The following MFAP3L variants were observed in gnomAD, a reference collection of about 807,000 sequenced individuals.
MFAP3L encodes microfibrillar-associated protein 3-like.
A neutral mutation model predicts 20.0 loss-of-function variants in MFAP3L; 5 were observed. The ratio of observed to expected loss-of-function variants is 0.25; its 90% confidence interval spans 0.13 to 0.53. The LOEUF is 0.53. Among genes scored for constraint, MFAP3L ranks in the 20% least tolerant of loss-of-function variants. The pLI, the probability that MFAP3L is intolerant of heterozygous loss-of-function variation, is 0.96. For missense variants in MFAP3L, 409 were observed against 527.5 expected (o/e 0.78, Z 2.20); for synonymous variants, 219 against 213.0 (o/e 1.03, Z -0.25).
rs1257747132 is a variant in MFAP3L at position 169,992,262 on chromosome 4, A to C, written c.346T>G (p.Ser116Ala). The C allele has an allele frequency of 1.2e-6, 2 of 1,613,856 alleles. No individual in the cohort carries two copies. The highest frequency in any genetic ancestry group is 4.5e-5 in the East Asian group (2 of 44,870). The change falls in exon 3 of 3, where the codon TCC (serine) becomes GCC (alanine). Residue 116 changes from serine to alanine, a missense_variant. Around this residue, in one of 3 missense-constraint regions of MFAP3L, gnomAD observed 127 missense variants for 218.1 expected, o/e 0.58. Coordinates refer to ENST00000361618, the MANE Select transcript of MFAP3L (RefSeq NM_021647.8). This position sits in a 1 kb window ranked among gnomAD's most constrained non-coding sequence, Gnocchi z 4.3. ...DSGLLNITKV[S>A]FSDRGKYTCV... ...GTGTATTTACCTCGGTCTGAGAAGG[A>C]TACCTTGGTGATGTTCAGGAGGCCG...
intron 1 of MFAP3L, among the ~76,000 whole-genome samples, chr4:170,011,290 GA>G (rs879780734): frequency 6.6e-6 from 1 of 151,862 alleles, no homozygotes; most frequent in South Asian, 2.1e-4. Context: ...GAAATCTGTG[GA>G]AAAAAAATGT....
At chr4:170,021,285 C>A (rs1740019258) in intron 1 of MFAP3L, among the ~76,000 whole-genome samples, 1 of 152,184 alleles carries the variant, frequency 6.6e-6, no homozygotes, top group Non-Finnish European at 1.5e-5. Context: ...AGATAGAGTA[C>A]AACTCTACCA....
rs755726375 is a variant in MFAP3L, at chr4:169,991,367, C to T, written c.*11G>A. 16 of 1,606,212 alleles carry T rather than the reference C, an allele frequency of 1.0e-5. No individual in the cohort carries two copies. The highest frequency in any genetic ancestry group is 3.3e-5 in the South Asian group (3 of 90,252). ...GATTTTCTTGATATGCATAGCTTTT[C>T]GGGGTTGGTATTAGACATGGCTTTC... On this transcript the variant is annotated 3_prime_UTR_variant, in exon 3 of 3. Transcript: ENST00000361618. The surrounding 1 kb of genome is among the most constrained non-coding windows in gnomAD (Gnocchi z 4.9).
chr4:169,997,802 C>CTTTTTTTTTTTTTT (rs397768343), intron 2 of MFAP3L: 1 of 693,136 alleles, frequency 1.4e-6, no homozygotes, highest in Non-Finnish European at 1.7e-6. Flanking sequence ...TTCATTAATT[C>CTTTTTTTTTTTTTT]TTTTTTTTTT....
At chr4:170,009,044 G>A (rs1317496643) in intron 1 of MFAP3L, among the ~76,000 whole-genome samples, 1 of 152,174 alleles carries the variant, frequency 6.6e-6, no homozygotes, top group Non-Finnish European at 1.5e-5. Context: ...TTCTGCAAAT[G>A]TACCTTTTCA....
chr4:170,002,988 A>G (rs1414792700), intron 2 of MFAP3L, among the ~76,000 whole-genome samples: 1 of 152,178 alleles, frequency 6.6e-6, no homozygotes, highest in African/African-American at 2.4e-5. Flanking sequence ...CTGTGGGTTT[A>G]CCAATAGGCC....
chr4:170,026,190 C>T (rs1293903315), intron 1 of MFAP3L, 44 bp downstream of exon 1: 20 of 975,532 alleles, frequency 2.1e-5, no homozygotes, highest in Non-Finnish European at 2.4e-5. Context: ...GGCTGGCTCC[C>T]ACCCGTGCCC....
At position 169,991,432 on chromosome 4, in the gene MFAP3L, C is replaced by T. The variant is rs566001239; in HGVS notation, c.1176G>A (p.Glu392=). Residue 392 remains glutamate, a synonymous_variant, in exon 3 of 3, where the codon GAG becomes GAA. Transcript: ENST00000361618. This position sits in a 1 kb window ranked among gnomAD's most constrained non-coding sequence, Gnocchi z 4.9. The part of the protein sequence containing the change: ...VLPPAYLEAT[E]PAVTHDKNTC... Reference sequence around the variant, plus strand: ...TGTTTTTGTCATGTGTCACTGCTGGCTCTGTGGCTTCCAGGTAAGCTGGCG... The same window carrying T: ...TGTTTTTGTCATGTGTCACTGCTGGTTCTGTGGCTTCCAGGTAAGCTGGCG... The T allele has an allele frequency of 1.8e-5, 29 of 1,614,106 alleles. No individual in the cohort carries two copies. The South Asian group carries it at 3.0e-4, about 17-fold the overall frequency.
Position 169,987,636 on chromosome 4 carries a change from C to T in MFAP3L, c.*3742G>A, listed in dbSNP as rs1211640569. Reference sequence around the variant, plus strand: ...CCAGCAGCTGGAATTGGTGTTTCTACAGTCAAGTTAATTTGTGTTGGCTGC... The same window carrying T: ...CCAGCAGCTGGAATTGGTGTTTCTATAGTCAAGTTAATTTGTGTTGGCTGC... On this transcript the variant is annotated 3_prime_UTR_variant, in exon 3 of 3. Coordinates refer to ENST00000361618, the MANE Select transcript of MFAP3L (RefSeq NM_021647.8). The T allele has an allele frequency of 1.3e-5, 2 of 152,148 alleles. No homozygotes were observed. Among genetic ancestry groups the T allele is most frequent in the South Asian group, 2.1e-4 (1 of 4,834 alleles). The allele number at this position is 152,148 out of a possible 1,614,324, so 9.4% of individuals were successfully genotyped here.
chr4:170,005,258 C>T, intron 2 of MFAP3L: 1 of 379,368 alleles, frequency 2.6e-6, no homozygotes, highest in South Asian at 8.3e-5. Context: ...AACAAAACTC[C>T]CTTAAAAATT....
intron 2 of MFAP3L, among the ~76,000 whole-genome samples, chr4:170,001,700 G>T (rs1447673367): frequency 6.6e-6 from 1 of 152,154 alleles, no homozygotes; most frequent in Non-Finnish European, 1.5e-5. Flanking sequence ...AAGGAAAACT[G>T]AAAACAGTAT....
Position 169,989,887 on chromosome 4 carries a change from A to G in MFAP3L, c.*1491T>C, listed in dbSNP as rs1041095135. On this transcript the variant is annotated 3_prime_UTR_variant, in exon 3 of 3. Coordinates refer to ENST00000361618, the MANE Select transcript of MFAP3L (RefSeq NM_021647.8). Reference sequence around the variant, plus strand: ...GTTTTTTTGGAAGGAGAAGATCCACAATTTGTTTAAAATGCTATTTCTCAA... The same window carrying G: ...GTTTTTTTGGAAGGAGAAGATCCACGATTTGTTTAAAATGCTATTTCTCAA... 2.0e-5 allele frequency: 3 copies of G among 152,242 alleles called. No individual in the cohort carries two copies. Among genetic ancestry groups the G allele is most frequent in the Non-Finnish European group, 2.9e-5 (2 of 68,044 alleles). 9.4% of individuals were successfully genotyped at this position (152,242 alleles called of 1,614,324 possible). A position where few individuals can be genotyped will look rare whatever the true frequency, so the allele number is the denominator to read the frequency against.
intron 2 of MFAP3L, among the ~76,000 whole-genome samples, chr4:170,002,723 T>C (rs1357146203): frequency 6.6e-6 from 1 of 152,016 alleles, no homozygotes; most frequent in Admixed American, 6.5e-5. Context: ...TTGGCCAGGA[T>C]GGTCTCAATC....
chr4:170,001,008 C>T (rs932314144), intron 2 of MFAP3L, among the ~76,000 whole-genome samples: 2 of 152,168 alleles, frequency 1.3e-5, no homozygotes, highest in Admixed American at 1.3e-4. Context: ...TAGCCATGAG[C>T]CACTGCACAT....
chr4:170,019,565 T>C (rs934698214), intron 1 of MFAP3L, among the ~76,000 whole-genome samples: 1 of 152,034 alleles, frequency 6.6e-6, no homozygotes, highest in African/African-American at 2.4e-5. Context: ...ATATGAAAGG[T>C]AGAGACTCGA....
chr4:170,020,420 C>T (rs905649010), intron 1 of MFAP3L, among the ~76,000 whole-genome samples: 4 of 152,184 alleles, frequency 2.6e-5, no homozygotes, highest in African/African-American at 4.8e-5. Flanking sequence ...CCTTCCTTGC[C>T]GACCTGCCTC....
Position 170,005,911 on chromosome 4 carries a change from T to C in MFAP3L, c.-34A>G, listed in dbSNP as rs757524329. 1.6e-5 allele frequency: 26 copies of C among 1,596,582 alleles called. No individual in the cohort carries two copies. Among genetic ancestry groups the C allele is most frequent in the Non-Finnish European group, 2.1e-5 (24 of 1,168,832 alleles). ...CTTGCTCTGTAAGGCAATAGAGAGA[T>C]GGTTTGCCAACCGAATCTTCTATCA... On this transcript the variant is annotated 5_prime_UTR_variant, in exon 2 of 3. Transcript: ENST00000361618.
intron 1 of MFAP3L, among the ~76,000 whole-genome samples, chr4:170,023,267 G>C (rs1288111486): frequency 6.6e-6 from 1 of 151,202 alleles, no homozygotes; most frequent in South Asian, 2.1e-4. Context: ...ATATCTCCCT[G>C]ACTCGACTGT....
In MFAP3L at chr4:169,987,190, T is replaced by C. The variant is rs924763528; in HGVS notation, c.*4188A>G. On this transcript the variant is annotated 3_prime_UTR_variant, in exon 3 of 3. Coordinates refer to ENST00000361618, the MANE Select transcript of MFAP3L (RefSeq NM_021647.8). Reference sequence around the variant, plus strand: ...ATTTGTGTAACCCAAACCTGGTTGATCAATGAAGAAACCCTAAAAATGTCA... The same window carrying C: ...ATTTGTGTAACCCAAACCTGGTTGACCAATGAAGAAACCCTAAAAATGTCA... 1.3e-5 allele frequency: 2 copies of C among 152,198 alleles called. No homozygotes were observed. Among genetic ancestry groups the C allele is most frequent in the Admixed American group, 1.3e-4 (2 of 15,268 alleles). The allele number at this position is 152,198 out of a possible 1,614,324, so 9.4% of individuals were successfully genotyped here.
Sources: gnomAD v4.1 joint callset for allele counts (sites outside exome capture counted in the v4.1 genomes callset) on GRCh38, gnomAD v4.1.1 for gene constraint, gnomAD v4.1.1 regional missense constraint, Gnocchi (gnomAD v3.1) non-coding constraint, MANE v1.5 for transcripts, NCBI Gene and HGNC (gene_info 2026-07-23, HGNC 2026-07-21) for gene names.